SKA2: variants seen among roughly 807,000 people sequenced by gnomAD.
SKA2 encodes spindle and kinetochore associated complex subunit 2.
Under a neutral mutation model 16.9 loss-of-function variants are expected in SKA2, and 13 were observed. That is an observed-to-expected ratio of 0.77 (90% CI 0.50 to 1.22). The LOEUF is 1.22. Among genes scored for constraint, SKA2 ranks in the 50% most tolerant of loss-of-function variants. The pLI, the probability that SKA2 is intolerant of heterozygous loss-of-function variation, is 0.00. For synonymous variants in SKA2, 47 were observed against 48.5 expected, an observed-to-expected ratio of 0.97 and a Z score of 0.13; for missense variants, 107 against 139.7, an observed-to-expected ratio of 0.77 and a Z score of 1.18.
At chr17:59,142,777 A>C (rs764136028) in intron 1 of SKA2, among the ~76,000 whole-genome samples, 7 of 151,436 alleles carry the variant, frequency 4.6e-5, no homozygotes, top group Non-Finnish European at 1.0e-4. Context: ...AAATACAAAA[A>C]TTAGTCAGGT....
intron 2 of SKA2, among the ~76,000 whole-genome samples, chr17:59,123,513 T>C (rs1282547998): frequency 6.7e-6 from 1 of 149,938 alleles, no homozygotes; most frequent in Admixed American, 6.6e-5. Context: ...GCCAAGATCA[T>C]GTCACTGCAC....
chr17:59,150,530 AG>A (rs548105697), intron 1 of SKA2, among the ~76,000 whole-genome samples: 23 of 152,266 alleles, frequency 1.5e-4, no homozygotes, highest in Non-Finnish European at 2.6e-4. Context: ...TGAGCCCAGG[AG>A]TTCAAGACCA....
rs370647754 is a variant in SKA2, at chr17:59,129,900, AGAGGGAGGGAGGGAGG to A, written c.120+1365_120+1380del. On this transcript the variant is annotated intron_variant, in intron 2 of 3. Coordinates refer to ENST00000330137, the MANE Select transcript of SKA2 (RefSeq NM_182620.4). ...GAGAAGAAGGATGGGAGGAAGGAAA[AGAGGGAGGGAGGGAGG>A]GAGGGAAGGAAGGAAGGAAGGAGAG... Among the ~76,000 whole-genome samples the A allele has an allele frequency of 1.1e-4, 13 of 117,876 alleles. 1 individual carries two copies. The East Asian group carries it at 4.0e-3, about 36-fold the overall frequency. 77.3% of individuals were successfully genotyped at this position (117,876 alleles called of 152,430 possible). A position where few individuals can be genotyped will look rare whatever the true frequency, so the allele number is the denominator to read the frequency against.
At chr17:59,130,236 C>CA (rs199745540) in intron 2 of SKA2, among the ~76,000 whole-genome samples, 3 of 150,694 alleles carry the variant, frequency 2.0e-5, no homozygotes, top group East Asian at 3.9e-4. Context: ...CTACCCAATC[C>CA]AAAAAAAAAT....
chr17:59,149,981 G>A (rs888144127), intron 1 of SKA2, among the ~76,000 whole-genome samples: 3 of 152,126 alleles, frequency 2.0e-5, no homozygotes, highest in African/African-American at 4.8e-5. Flanking sequence ...TCAGCCACCC[G>A]AGTAGCTAGG....
chr17:59,120,333 T>G (rs2046324177), intron 2 of SKA2, among the ~76,000 whole-genome samples: 1 of 152,236 alleles, frequency 6.6e-6, no homozygotes, highest in South Asian at 2.1e-4. Context: ...TTTCCAGATT[T>G]ATTTTGTAAT....
chr17:59,109,912 G>A lies in SKA2; in HGVS notation c.*2365C>T, dbSNP rs1346670575. On this transcript the variant is annotated 3_prime_UTR_variant, in exon 4 of 4. Coordinates refer to ENST00000330137, the MANE Select transcript of SKA2 (RefSeq NM_182620.4). ...TGAGAAACAAAAGATCTAAATTAAG[G>A]AGGTGTGAAGATAATGTAGAGGTTG... is the stretch of plus-strand genomic sequence containing the variant. 2 of 152,162 alleles carry A rather than the reference G, an allele frequency of 1.3e-5. No homozygotes were observed. Among genetic ancestry groups the A allele is most frequent in the Admixed American group, 1.3e-4 (2 of 15,270 alleles). 9.4% of individuals were successfully genotyped at this position (152,162 alleles called of 1,614,324 possible). A position where few individuals can be genotyped will look rare whatever the true frequency, so the allele number is the denominator to read the frequency against.
chr17:59,123,445 T>C (rs2046350448), intron 2 of SKA2, among the ~76,000 whole-genome samples: 1 of 151,370 alleles, frequency 6.6e-6, no homozygotes, highest in African/African-American at 2.4e-5. Context: ...TAATCCCAGC[T>C]ACTCAGGAGG....
At chr17:59,149,470 C>T (rs2046560059) in intron 1 of SKA2, among the ~76,000 whole-genome samples, 1 of 151,920 alleles carries the variant, frequency 6.6e-6, no homozygotes, top group Non-Finnish European at 1.5e-5. Flanking sequence ...CACACCACCG[C>T]ACTCCAGCCT....
chr17:59,115,036 T>C (rs2046286938), intron 3 of SKA2, among the ~76,000 whole-genome samples: 1 of 151,882 alleles, frequency 6.6e-6, no homozygotes. Flanking sequence ...TCTTTTCTTC[T>C]TTTTTTCGTT....
At chr17:59,137,399 A>G (rs2046453993) in intron 1 of SKA2, among the ~76,000 whole-genome samples, 1 of 152,220 alleles carries the variant, frequency 6.6e-6, no homozygotes, top group South Asian at 2.1e-4. Flanking sequence ...CTAGTCAACT[A>G]AAAATTCCCT....
intron 2 of SKA2, among the ~76,000 whole-genome samples, chr17:59,124,826 G>A (rs1171791411): frequency 1.3e-5 from 2 of 152,146 alleles, no homozygotes; most frequent in Non-Finnish European, 2.9e-5. Context: ...ATGGCAGTGA[G>A]TAATTTAGGA....
At chr17:59,130,221 T>C (rs1027413741) in intron 2 of SKA2, among the ~76,000 whole-genome samples, 2 of 152,122 alleles carry the variant, frequency 1.3e-5, no homozygotes, top group African/African-American at 2.4e-5. Flanking sequence ...GTTTAACTTA[T>C]ACTTCTACCC....
At chr17:59,121,249 A>G (rs575440800) in intron 2 of SKA2, among the ~76,000 whole-genome samples, 38 of 152,284 alleles carry the variant, frequency 2.5e-4, no homozygotes, top group African/African-American at 8.7e-4. Context: ...AATCTTCCTC[A>G]GGAAGCGTCT....
At chr17:59,148,995 G>A (rs571937732) in intron 1 of SKA2, among the ~76,000 whole-genome samples, 2 of 152,118 alleles carry the variant, frequency 1.3e-5, no homozygotes, top group African/African-American at 4.8e-5. Flanking sequence ...AATTAAAACT[G>A]ATATTTTTGC....
chr17:59,133,946 A>G (rs2046427107), intron 1 of SKA2, among the ~76,000 whole-genome samples: 2 of 152,206 alleles, frequency 1.3e-5, no homozygotes, highest in African/African-American at 4.8e-5. Flanking sequence ...AATGTTGGGT[A>G]CATAATTACA....
At chr17:59,152,236 C>T (rs1215083054) in intron 1 of SKA2, among the ~76,000 whole-genome samples, 2 of 152,126 alleles carry the variant, frequency 1.3e-5, no homozygotes, top group East Asian at 1.9e-4. Flanking sequence ...CTACAATAAG[C>T]TTATTCCCCC....
chr17:59,120,318 C>A (rs768830647), intron 2 of SKA2, among the ~76,000 whole-genome samples: 13 of 152,144 alleles, frequency 8.5e-5, no homozygotes, highest in Non-Finnish European at 1.5e-4. Context: ...ATAAACTATG[C>A]TGGTTTTCCA....
chr17:59,150,744 G>T (rs928899235), intron 1 of SKA2, among the ~76,000 whole-genome samples: 1 of 151,274 alleles, frequency 6.6e-6, no homozygotes, highest in African/African-American at 2.4e-5. Context: ...TCTGTCTCTG[G>T]AGAAAAAAAA....
Sources: allele counts gnomAD v4.1 joint callset (sites outside exome capture counted in the v4.1 genomes callset), GRCh38; gene constraint gnomAD v4.1.1; transcripts MANE v1.5; gene names NCBI Gene and HGNC (gene_info 2026-07-23, HGNC 2026-07-21).